The following PPFIA2 variants were observed in gnomAD, a reference collection of about 807,000 sequenced individuals.
The protein encoded by PPFIA2 is liprin-alpha-2.
PPFIA2 carries 46 observed loss-of-function variants against 175.5 expected under a neutral mutation model. The ratio of observed to expected loss-of-function variants is 0.26; its 90% CI spans 0.21 to 0.34. PPFIA2 has a LOEUF of 0.34. Among genes scored for constraint, PPFIA2 ranks in the 10% least tolerant of loss-of-function variants. The probability of loss-of-function intolerance (pLI) is 1.00; values close to 1 mark genes in which losing one functional copy is unlikely to be tolerated. For synonymous variants in PPFIA2, 568 were observed against 511.4 expected (o/e 1.11, Z -1.49); for missense variants, 1,179 against 1,506.1 (o/e 0.78, Z 3.60).
At chr12:81,314,364 G>A (rs1415314130) in intron 22 of PPFIA2, among the ~76,000 whole-genome samples, 1 of 151,774 alleles carries the variant, frequency 6.6e-6, no homozygotes, top group Non-Finnish European at 1.5e-5. Flanking sequence ...TGTCAGAAGT[G>A]TCAAGGCTAT....
At chr12:81,358,281 A>T (rs906936465) in intron 15 of PPFIA2, 64 bp from the exon 16 acceptor site, 7 of 1,450,238 alleles carry the variant, frequency 4.8e-6, no homozygotes, top group Non-Finnish European at 6.5e-6. Flanking sequence ...GGAAATTACT[A>T]TCTGCTGTTT....
At chr12:81,622,807 A>G (rs767637342) in intron 4 of PPFIA2, among the ~76,000 whole-genome samples, 1 of 152,094 alleles carries the variant, frequency 6.6e-6, no homozygotes, top group Non-Finnish European at 1.5e-5. Flanking sequence ...CAGATTAAAT[A>G]TTGGTTGAAA....
intron 7 of PPFIA2, among the ~76,000 whole-genome samples, chr12:81,412,799 C>T (rs1190024177): frequency 6.6e-6 from 1 of 151,890 alleles, no homozygotes; most frequent in Admixed American, 6.6e-5. Context: ...ATTTGATGTA[C>T]ATTAAACACT....
chr12:81,381,021 T>G (rs1275073096), intron 9 of PPFIA2, among the ~76,000 whole-genome samples: 3 of 139,158 alleles, frequency 2.2e-5, no homozygotes, highest in African/African-American at 5.4e-5. Context: ...AAAAAAAAAG[T>G]GATGCATGCA....
intron 14 of PPFIA2, among the ~76,000 whole-genome samples, chr12:81,365,707 G>A (rs1016440248): frequency 7.3e-5 from 11 of 151,636 alleles, no homozygotes; most frequent in African/African-American, 1.9e-4. Context: ...GATCATATAT[G>A]TCTTTAAGAG....
At chr12:81,504,085 A>G (rs967040908) in intron 4 of PPFIA2, among the ~76,000 whole-genome samples, 5 of 152,040 alleles carry the variant, frequency 3.3e-5, no homozygotes, top group Admixed American at 2.0e-4. Flanking sequence ...AAATAATTAA[A>G]TTATAAAGTA....
intron 4 of PPFIA2, among the ~76,000 whole-genome samples, chr12:81,584,576 A>G (rs2074903113): frequency 6.6e-6 from 1 of 151,302 alleles, no homozygotes; most frequent in African/African-American, 2.4e-5. Flanking sequence ...TCATGTAAAC[A>G]TCATGACACA....
intron 4 of PPFIA2, among the ~76,000 whole-genome samples, chr12:81,482,612 T>C (rs2058369579): frequency 6.6e-6 from 1 of 152,048 alleles, no homozygotes; most frequent in African/African-American, 2.4e-5. Flanking sequence ...CTGGAAACCA[T>C]CATTCTCAGC....
At chr12:81,609,150 T>C (rs1024345158) in intron 4 of PPFIA2, among the ~76,000 whole-genome samples, 1 of 152,144 alleles carries the variant, frequency 6.6e-6, no homozygotes, top group Non-Finnish European at 1.5e-5. Flanking sequence ...ATGTAGTTGG[T>C]ATGATTTTAA....
At chr12:81,632,476 C>T (rs767949009) in intron 4 of PPFIA2, among the ~76,000 whole-genome samples, 5 of 151,942 alleles carry the variant, frequency 3.3e-5, no homozygotes, top group Admixed American at 6.6e-5. Flanking sequence ...TTCAAGTGTA[C>T]ATTGCATTAA....
intron 3 of PPFIA2, among the ~76,000 whole-genome samples, chr12:81,714,673 T>C (rs2078363098): frequency 6.6e-6 from 1 of 151,050 alleles, no homozygotes; most frequent in African/African-American, 2.4e-5. Flanking sequence ...GTGGTTATTT[T>C]GTTAGACTCT....
chr12:81,291,003 T>C lies in PPFIA2; in HGVS notation c.2925+3832A>G, dbSNP rs545731913. 3.3e-5 allele frequency among the ~76,000 whole-genome samples: 5 copies of C among 151,794 alleles called. No individual in the cohort carries two copies. In the East Asian group the frequency reaches 7.7e-4, roughly 23 times the overall value. The stretch of plus-strand genomic sequence containing the variant: ...TGCATATTTAATAAAATGAAGAAAA[T>C]GCTTACACTACATTACTAAATTTAC... On this transcript the variant is annotated intron_variant, in intron 24 of 32. Transcript: ENST00000549396.
At chr12:81,493,375 G>T (rs191645716) in intron 4 of PPFIA2, among the ~76,000 whole-genome samples, 70 of 152,114 alleles carry the variant, frequency 4.6e-4, no homozygotes, top group African/African-American at 1.7e-3. Context: ...ATGCTGGGAA[G>T]ACAAGAAGAG....
At position 81,660,697 on chromosome 12, in the gene PPFIA2, C is replaced by T. The variant is rs537738316; in HGVS notation, c.303+16094G>A. On this transcript the variant is annotated intron_variant, in intron 4 of 32. Coordinates refer to ENST00000549396, the MANE Select transcript of PPFIA2 (RefSeq NM_003625.5). ...ATTCAAATTCAGGAAATACAGAGAA[C>T]GCCACAAAGATACTCCTCGAGAAGA... Among the ~76,000 whole-genome samples, 265 of 152,100 alleles carry T rather than the reference C, an allele frequency of 1.7e-3. 1 individual carries two copies. Among genetic ancestry groups the T allele is most frequent in the African/African-American group, 6.1e-3 (252 of 41,488 alleles).
chr12:81,730,346 A>C (rs1468172767), intron 3 of PPFIA2, among the ~76,000 whole-genome samples: 4 of 151,650 alleles, frequency 2.6e-5, no homozygotes, highest in Non-Finnish European at 5.9e-5. Flanking sequence ...AAGAAGTTTA[A>C]ATGACTCACA....
intron 5 of PPFIA2, among the ~76,000 whole-genome samples, chr12:81,447,728 A>T (rs960900013): frequency 3.9e-5 from 6 of 152,178 alleles, no homozygotes; most frequent in Non-Finnish European, 8.8e-5. Context: ...AATCCTCTTG[A>T]TCCTCTCTGG....
At chr12:81,737,263 G>A (rs968163458) in intron 3 of PPFIA2, among the ~76,000 whole-genome samples, 1 of 151,864 alleles carries the variant, frequency 6.6e-6, no homozygotes, top group African/African-American at 2.4e-5. Flanking sequence ...TGAAGAGATG[G>A]GAATTGAGAT....
At chr12:81,339,774 T>A (rs2057751656) in intron 20 of PPFIA2, among the ~76,000 whole-genome samples, 1 of 152,040 alleles carries the variant, frequency 6.6e-6, no homozygotes, top group African/African-American at 2.4e-5. Context: ...TAATCTACAG[T>A]TTTACTTGAT....
At position 81,603,384 on chromosome 12, in the gene PPFIA2, G is replaced by A. The variant is rs188378304; in HGVS notation, c.303+73407C>T. ...AGAAGAACGATCAATCATTATTTCAGACAATAGACACGAAGACTGTTCTTG... is the reference window on the plus strand; with the variant it reads ...AGAAGAACGATCAATCATTATTTCAAACAATAGACACGAAGACTGTTCTTG... On this transcript the variant is annotated intron_variant, in intron 4 of 32. Coordinates refer to ENST00000549396, the MANE Select transcript of PPFIA2 (RefSeq NM_003625.5). 6.9e-3 allele frequency among the ~76,000 whole-genome samples: 1,047 copies of A among 151,808 alleles called. 7 individuals are homozygous for A. The highest frequency in any genetic ancestry group is 0.011 in the South Asian group (55 of 4,822).
Sources: gnomAD v4.1 joint callset for allele counts (sites outside exome capture counted in the v4.1 genomes callset) on GRCh38, gnomAD v4.1.1 for gene constraint, MANE v1.5 for transcripts, NCBI Gene and HGNC (gene_info 2026-07-23, HGNC 2026-07-21) for gene names.